The following SPMIP4 variants were observed in gnomAD, a reference collection of about 807,000 sequenced individuals.
SPMIP4 encodes sperm-associated microtubule inner protein 4.
chr7:25,142,290 T>G, the SPMIP4 span: 1 of 1,613,470 alleles, frequency 6.2e-7, no homozygotes. Context: ...TACCATCTTT[T>G]CATGGTAATC....
At chr7:25,160,443 C>T in the SPMIP4 span, among the ~76,000 whole-genome samples, 41 of 152,152 alleles carry the variant, frequency 2.7e-4, no homozygotes, top group African/African-American at 9.9e-4. Context: ...GGATTACAGC[C>T]GCCTGCCATC....
At chr7:25,161,359 A>G in the SPMIP4 span, 2 of 524,616 alleles carry the variant, frequency 3.8e-6, no homozygotes. Flanking sequence ...ATATCCACAT[A>G]TATGTAGAAA....
chr7:25,126,469 G>A, the SPMIP4 span, among the ~76,000 whole-genome samples: 1 of 152,202 alleles, frequency 6.6e-6, no homozygotes. Flanking sequence ...GAGCCACCAC[G>A]CCCAGGGCAA....
At chr7:25,157,489 A>T in the SPMIP4 span, among the ~76,000 whole-genome samples, 1 of 152,194 alleles carries the variant, frequency 6.6e-6, no homozygotes, top group Non-Finnish European at 1.5e-5. Context: ...CACCAGGGAT[A>T]GATCATGCCA....
chr7:25,151,668 A>T, the SPMIP4 span: 9 of 1,608,470 alleles, frequency 5.6e-6, no homozygotes, highest in African/African-American at 1.3e-5. Flanking sequence ...CAATCAGTTC[A>T]TATCTATAAG....
the SPMIP4 span, among the ~76,000 whole-genome samples, chr7:25,132,714 T>C: frequency 6.6e-5 from 10 of 152,330 alleles, no homozygotes; most frequent in South Asian, 1.0e-3. The surrounding 1 kb of genome is among the most constrained non-coding windows in gnomAD (Gnocchi z 5.0). Context: ...ATTGTACTTA[T>C]CTGTGTATAT....
chr7:25,173,706 A>AC, the SPMIP4 span, among the ~76,000 whole-genome samples: 2 of 152,322 alleles, frequency 1.3e-5, no homozygotes, highest in Admixed American at 1.3e-4. This position sits in a 1 kb window ranked among gnomAD's most constrained non-coding sequence, Gnocchi z 4.4. Context: ...ATTAATGACA[A>AC]CCTAAGCTTT....
chr7:25,143,217 C>A, the SPMIP4 span, among the ~76,000 whole-genome samples: 2 of 152,140 alleles, frequency 1.3e-5, no homozygotes, highest in Non-Finnish European at 2.9e-5. Context: ...CATTTGATGT[C>A]TTTTATGAAT....
At chr7:25,174,332 CT>C in the SPMIP4 span, among the ~76,000 whole-genome samples, 1 of 125,422 alleles carries the variant, frequency 8.0e-6, no homozygotes, top group African/African-American at 2.5e-5. The surrounding 1 kb of genome is among the most constrained non-coding windows in gnomAD (Gnocchi z 4.5). Context: ...TAAAATACAT[CT>C]CTATAACAAA....
the SPMIP4 span, among the ~76,000 whole-genome samples, chr7:25,178,335 C>G: frequency 6.6e-6 from 1 of 152,178 alleles, no homozygotes; most frequent in Non-Finnish European, 1.5e-5. Flanking sequence ...ATAAGAACAA[C>G]TTAGAATCCA....
At chr7:25,132,250 C>T in the SPMIP4 span, among the ~76,000 whole-genome samples, 17 of 152,212 alleles carry the variant, frequency 1.1e-4, no homozygotes, top group Middle Eastern at 3.4e-3. The surrounding 1 kb of genome is among the most constrained non-coding windows in gnomAD (Gnocchi z 5.0). Flanking sequence ...TCTGATTGGT[C>T]GGGTGTGAGC....
At chr7:25,126,028 A>G in the SPMIP4 span, 7 of 840,172 alleles carry the variant, frequency 8.3e-6, no homozygotes, top group African/African-American at 1.9e-5. Flanking sequence ...GTACCTTTTA[A>G]AATTTTTATG....
the SPMIP4 span, among the ~76,000 whole-genome samples, chr7:25,156,177 A>G: frequency 6.6e-6 from 1 of 152,200 alleles, no homozygotes; most frequent in Non-Finnish European, 1.5e-5. Context: ...CCATGTGAAG[A>G]TAAGGCAGAG....
the SPMIP4 span, chr7:25,142,342 A>AAC: frequency 1.3e-6 from 2 of 1,552,872 alleles, no homozygotes; most frequent in Admixed American, 1.8e-5. Flanking sequence ...CCTTAATGGA[A>AAC]ACATCACCTT....
At chr7:25,176,210 C>G in the SPMIP4 span, among the ~76,000 whole-genome samples, 2 of 152,134 alleles carry the variant, frequency 1.3e-5, no homozygotes, top group African/African-American at 2.4e-5. This position sits in a 1 kb window ranked among gnomAD's most constrained non-coding sequence, Gnocchi z 4.4. Flanking sequence ...ACTATAGGAC[C>G]GTTTAGGTAG....
At chr7:25,127,777 G>C in the SPMIP4 span, among the ~76,000 whole-genome samples, 1 of 152,178 alleles carries the variant, frequency 6.6e-6, no homozygotes, top group Non-Finnish European at 1.5e-5. Context: ...GCACTGAAGA[G>C]TTAGGTATTT....
the SPMIP4 span, among the ~76,000 whole-genome samples, chr7:25,147,891 T>G: frequency 3.3e-5 from 5 of 152,212 alleles, no homozygotes; most frequent in Non-Finnish European, 4.4e-5. Flanking sequence ...AACTAGGTAT[T>G]GAAGGATTAA....
At chr7:25,125,871 C>T in the SPMIP4 span, 115 of 979,702 alleles carry the variant, frequency 1.2e-4, no homozygotes, top group Non-Finnish European at 1.3e-4. Flanking sequence ...TCTAGTTCCA[C>T]CTATACTCTG....
At chr7:25,126,097 A>C in the SPMIP4 span, 8 of 216,936 alleles carry the variant, frequency 3.7e-5, no homozygotes. Context: ...ATTTTGATAC[A>C]GGCATACAAT....
Sources: gnomAD v4.1 joint callset for allele counts (sites outside exome capture counted in the v4.1 genomes callset) on GRCh38, gnomAD v4.1.1 for gene constraint, Gnocchi (gnomAD v3.1) non-coding constraint, MANE v1.5 for transcripts, NCBI Gene and HGNC (gene_info 2026-07-23, HGNC 2026-07-21) for gene names.